Variants in CSMD1 observed in about 807,000 individuals in gnomAD.
CSMD1 encodes the protein CUB and sushi domain-containing protein 1.
A neutral mutation model predicts 417.5 loss-of-function variants in CSMD1; 213 were observed. The observed-to-expected ratio is 0.51, with a 90% CI of 0.46 to 0.57. CSMD1 has a LOEUF of 0.57. Ranked by LOEUF, CSMD1 falls within the 20% of genes least tolerant of loss-of-function variation. The pLI is 0.00. For missense variants in CSMD1, 6,923 were observed against 4,529.7 expected, an observed-to-expected ratio of 1.53 and a Z score of -15.17; for synonymous variants, 2,862 against 1,736.8, an observed-to-expected ratio of 1.65 and a Z score of -16.11.
At chr8:4,421,588 AG>A (rs1452669840) in intron 2 of CSMD1, among the ~76,000 whole-genome samples, 7 of 152,078 alleles carry the variant, frequency 4.6e-5, no homozygotes, top group African/African-American at 1.7e-4. Flanking sequence ...TAAATAATCC[AG>A]GGGCCAAAGA....
chr8:3,789,278 T>C (rs1317307112), intron 5 of CSMD1, among the ~76,000 whole-genome samples: 1 of 152,122 alleles, frequency 6.6e-6, no homozygotes, highest in East Asian at 1.9e-4. Context: ...TCCTGAACTG[T>C]TGTTTTCAAG....
At chr8:4,676,013 T>C (rs1489137804) in intron 1 of CSMD1, among the ~76,000 whole-genome samples, 8 of 152,230 alleles carry the variant, frequency 5.3e-5, no homozygotes, top group Non-Finnish European at 1.2e-4. Context: ...CATTTGGCCT[T>C]GCAGTTTTTG....
chr8:3,238,399 C>A (rs781775733), intron 26 of CSMD1, among the ~76,000 whole-genome samples: 2 of 151,786 alleles, frequency 1.3e-5, no homozygotes, highest in Non-Finnish European at 2.9e-5. Flanking sequence ...GGTTCAGAGG[C>A]CTGAAAGTCC....
intron 1 of CSMD1, among the ~76,000 whole-genome samples, chr8:4,726,594 C>A (rs1399671343): frequency 6.6e-6 from 1 of 152,136 alleles, no homozygotes; most frequent in African/African-American, 2.4e-5. Flanking sequence ...TCTAGGGCCT[C>A]CCATCAGCTT....
At chr8:3,173,977 T>G (rs537713976) in intron 37 of CSMD1, among the ~76,000 whole-genome samples, 1 of 152,210 alleles carries the variant, frequency 6.6e-6, no homozygotes, top group Admixed American at 6.5e-5. Context: ...TCCAGAATTT[T>G]AATCCTCATT....
intron 3 of CSMD1, among the ~76,000 whole-genome samples, chr8:4,136,677 G>A (rs1040408099): frequency 3.9e-5 from 6 of 152,160 alleles, no homozygotes; most frequent in African/African-American, 1.4e-4. Context: ...TCTCACAAGT[G>A]TGCTGTGAGT....
At chr8:4,588,657 C>T (rs1232634340) in intron 2 of CSMD1, among the ~76,000 whole-genome samples, 1 of 151,862 alleles carries the variant, frequency 6.6e-6, no homozygotes, top group Non-Finnish European at 1.5e-5. Context: ...TGGTGGCGGG[C>T]GCCTTTAGTC....
intron 67 of CSMD1, among the ~76,000 whole-genome samples, chr8:2,949,872 T>C (rs918558608): frequency 6.6e-6 from 1 of 152,122 alleles, no homozygotes; most frequent in Non-Finnish European, 1.5e-5. Context: ...CTGGGAATGA[T>C]TTCTTTTAGA....
At chr8:3,538,099 G>C (rs527979524) in intron 10 of CSMD1, among the ~76,000 whole-genome samples, 6 of 152,216 alleles carry the variant, frequency 3.9e-5, no homozygotes, top group Non-Finnish European at 5.9e-5. Flanking sequence ...TTTTAAAAGA[G>C]TGTTTCAAGT....
At chr8:3,949,445 T>G (rs1369812657) in intron 5 of CSMD1, among the ~76,000 whole-genome samples, 1 of 152,168 alleles carries the variant, frequency 6.6e-6, no homozygotes, top group Non-Finnish European at 1.5e-5. Flanking sequence ...TCTAACAATT[T>G]AAGGAAAAGG....
intron 1 of CSMD1, among the ~76,000 whole-genome samples, chr8:4,917,789 A>T (rs774086198): frequency 3.9e-5 from 6 of 152,216 alleles, no homozygotes; most frequent in Non-Finnish European, 8.8e-5. Context: ...CCATAATGTG[A>T]AAAGTGTTGC....
intron 5 of CSMD1, among the ~76,000 whole-genome samples, chr8:3,966,697 C>CCATG (rs1812695833): frequency 6.6e-6 from 1 of 151,746 alleles, no homozygotes. Context: ...ACAGCGTATG[C>CCATG]CATGCCTGGC....
intron 5 of CSMD1, among the ~76,000 whole-genome samples, chr8:3,925,822 C>A (rs2204223): frequency 0.63 from 96,221 of 151,768 alleles, 30,846 homozygotes; most frequent in East Asian, 0.75. Flanking sequence ...GCATTAAAAC[C>A]AACTAATACG....
At chr8:3,361,421 G>A (rs776641214) in intron 20 of CSMD1, among the ~76,000 whole-genome samples, 11 of 152,120 alleles carry the variant, frequency 7.2e-5, no homozygotes, top group East Asian at 1.9e-4. Flanking sequence ...GAGGTCAGGA[G>A]TTTGAGACCA....
At chr8:3,641,336 A>G (rs1490674867) in intron 7 of CSMD1, among the ~76,000 whole-genome samples, 1 of 152,106 alleles carries the variant, frequency 6.6e-6, no homozygotes, top group East Asian at 1.9e-4. Flanking sequence ...AATGGAACCA[A>G]CAATCCCCAA....
At chr8:3,240,491 C>T (rs889211606) in intron 26 of CSMD1, among the ~76,000 whole-genome samples, 2 of 151,546 alleles carry the variant, frequency 1.3e-5, no homozygotes, top group East Asian at 1.9e-4. Flanking sequence ...AGGGAGAGCA[C>T]GTGTGTTTTT....
intron 5 of CSMD1, among the ~76,000 whole-genome samples, chr8:3,939,560 T>A (rs1810737119): frequency 1.3e-5 from 2 of 152,080 alleles, no homozygotes; most frequent in African/African-American, 4.8e-5. Flanking sequence ...AAAAGGCACA[T>A]GCACAAGCAT....
chr8:4,537,152 C>G (rs988364802), intron 2 of CSMD1, among the ~76,000 whole-genome samples: 1 of 152,096 alleles, frequency 6.6e-6, no homozygotes, highest in Non-Finnish European at 1.5e-5. Flanking sequence ...AATTTGGGTC[C>G]TCTTGTACTT....
rs369471162 is a variant in CSMD1, at chr8:3,308,412, C to G, written c.3723G>C (p.Leu1241=). Residue 1241 remains leucine (L), a synonymous_variant, in exon 24 of 70, where the codon CTG becomes CTC. Coordinates refer to ENST00000635120, the MANE Select transcript of CSMD1 (RefSeq NM_033225.6). ...DEGHFTDTVV[L]YSCNPGYAMH... is the part of the protein sequence containing the mutation. ...TGGCGTACCCCGGGTTGCAACTGTA[C>G]AGAACTACAGTGTCGGTAAAGTGGC... The G allele has an allele frequency of 7.1e-5, 114 of 1,613,592 alleles. No homozygotes were observed. Among genetic ancestry groups the G allele is most frequent in the Middle Eastern group, 6.6e-4 (4 of 6,052 alleles).
Sources: gnomAD v4.1 joint callset for allele counts (sites outside exome capture counted in the v4.1 genomes callset) on GRCh38, gnomAD v4.1.1 for gene constraint, MANE v1.5 for transcripts, NCBI Gene and HGNC (gene_info 2026-07-23, HGNC 2026-07-21) for gene names.